Variants in CTNND2 observed in about 807,000 individuals in gnomAD.
CTNND2 encodes the protein catenin delta-2.
A neutral mutation model predicts 144.4 loss-of-function variants in CTNND2; 22 were observed. That is an observed-to-expected ratio of 0.15 (90% CI 0.11 to 0.22). The LOEUF is 0.22. CTNND2 is among the 10% of genes least tolerant of loss of function. The pLI is 1.00. For missense variants in CTNND2, 1,353 were observed against 1,618.8 expected (o/e 0.84, Z 2.82); for synonymous variants, 751 against 695.6 (o/e 1.08, Z -1.25).
chr5:11,841,249 T>C (rs1231999895), intron 1 of CTNND2, among the ~76,000 whole-genome samples: 1 of 152,208 alleles, frequency 6.6e-6, no homozygotes, highest in Non-Finnish European at 1.5e-5. Context: ...CAGCCCCTTG[T>C]TGAATTTCAG....
chr5:11,281,643 A>G (rs1747129390), intron 9 of CTNND2, among the ~76,000 whole-genome samples: 1 of 152,222 alleles, frequency 6.6e-6, no homozygotes, highest in South Asian at 2.1e-4. Flanking sequence ...CACAGTGTCA[A>G]CAGATTGGTT....
chr5:11,736,492 T>G (rs534309192), intron 1 of CTNND2, among the ~76,000 whole-genome samples: 1 of 152,296 alleles, frequency 6.6e-6, no homozygotes, highest in South Asian at 2.1e-4. Context: ...TTAATGTAAC[T>G]ATTGTGTCTG....
At chr5:11,006,862 G>T (rs1740542417) in intron 18 of CTNND2, among the ~76,000 whole-genome samples, 1 of 152,188 alleles carries the variant, frequency 6.6e-6, no homozygotes, top group African/African-American at 2.4e-5. Flanking sequence ...ATCTCTAGGG[G>T]AAGAATGACC....
Position 11,653,231 on chromosome 5 carries a change from C to T in CTNND2, c.174+78905G>A, listed in dbSNP as rs114865448. 2.7e-3 allele frequency among the ~76,000 whole-genome samples: 405 copies of T among 152,140 alleles called. 2 individuals carry two copies. The highest frequency in any genetic ancestry group is 4.0e-3 in the Non-Finnish European group (273 of 67,970). ...GGAATGCAGATATCTCTTTGGCATA[C>T]TGATTTTAATTCCTTTTTTAATAGT... On this transcript the variant is annotated intron_variant, in intron 2 of 21. Coordinates refer to ENST00000304623, the MANE Select transcript of CTNND2 (RefSeq NM_001332.4).
At chr5:11,030,439 C>A (rs1434927132) in intron 16 of CTNND2, among the ~76,000 whole-genome samples, 3 of 148,278 alleles carry the variant, frequency 2.0e-5, no homozygotes, top group African/African-American at 7.5e-5. Flanking sequence ...GATCTTTTTT[C>A]TTTCTGTTCT....
At chr5:11,134,067 C>G (rs1307891442) in intron 12 of CTNND2, among the ~76,000 whole-genome samples, 1 of 152,068 alleles carries the variant, frequency 6.6e-6, no homozygotes, top group East Asian at 1.9e-4. Context: ...TCAGTGTAAT[C>G]ACAGGAACTC....
intron 9 of CTNND2, among the ~76,000 whole-genome samples, chr5:11,340,622 G>C (rs922758974): frequency 1.3e-5 from 2 of 152,196 alleles, no homozygotes; most frequent in Non-Finnish European, 2.9e-5. Context: ...TACAAGAAGT[G>C]AATGTAAAGT....
rs1758582655 is a variant in CTNND2, at chr5:11,159,735, C to T, written c.2000G>A (p.Cys667Tyr). ...VTGVLWNLSS[C>Y]DALKMPIIQD... Reference sequence around the variant, plus strand: ...GATGATTGGCATTTTGAGTGCATCGCATGAGGAGAGGTTCCAAAGGACTCC... The same window carrying T: ...GATGATTGGCATTTTGAGTGCATCGTATGAGGAGAGGTTCCAAAGGACTCC... Residue 667 changes from cysteine to tyrosine, a missense_variant, in exon 12 of 22, where the codon TGC (cysteine) becomes TAC (tyrosine). This residue lies in a region of CTNND2 where 117 missense variants were observed against 117.8 expected (regional missense o/e 0.99). Coordinates refer to ENST00000304623, the MANE Select transcript of CTNND2 (RefSeq NM_001332.4). 1 of 1,601,378 alleles carries T rather than the reference C, an allele frequency of 6.2e-7. No homozygotes were observed. The highest frequency in any genetic ancestry group is 8.5e-7 in the Non-Finnish European group (1 of 1,173,688).
At chr5:11,698,523 G>A (rs1027483610) in intron 2 of CTNND2, among the ~76,000 whole-genome samples, 1 of 151,852 alleles carries the variant, frequency 6.6e-6, no homozygotes, top group Non-Finnish European at 1.5e-5. Flanking sequence ...TCCTGACCTC[G>A]TGATCCCCCT....
At chr5:11,236,029 A>C (rs1741599786) in intron 10 of CTNND2, among the ~76,000 whole-genome samples, 1 of 152,194 alleles carries the variant, frequency 6.6e-6, no homozygotes, top group Admixed American at 6.5e-5. Flanking sequence ...AAAAACTTAG[A>C]TTTGGCTGCA....
At chr5:11,673,469 G>C (rs987257821) in intron 2 of CTNND2, among the ~76,000 whole-genome samples, 4 of 152,236 alleles carry the variant, frequency 2.6e-5, no homozygotes, top group Admixed American at 2.6e-4. Context: ...GTTAAGCAAA[G>C]ACTTATCTGA....
chr5:11,903,751 A>G lies in CTNND2; in HGVS notation c.37+66T>C. On this transcript the variant is annotated intron_variant, in intron 1 of 21. Coordinates refer to ENST00000304623, the MANE Select transcript of CTNND2 (RefSeq NM_001332.4). This position sits in a 1 kb window ranked among gnomAD's most constrained non-coding sequence, Gnocchi z 5.4. ...GCCCAGGACCACCCCCACCAGCGGCAAGAGGAGGAGGACGGCGCCGGGAGG... is the reference window on the plus strand; with the variant it reads ...GCCCAGGACCACCCCCACCAGCGGCGAGAGGAGGAGGACGGCGCCGGGAGG... 7.0e-7 allele frequency: 1 copy of G among 1,436,284 alleles called. No homozygotes were observed. The highest frequency in any genetic ancestry group is 1.3e-5 in the South Asian group (1 of 76,706). 89.0% of individuals were successfully genotyped at this position (1,436,284 alleles called of 1,614,324 possible). A position where few individuals can be genotyped will look rare whatever the true frequency, so the allele number is the denominator to read the frequency against.
chr5:11,078,479 C>T (rs564495822), intron 16 of CTNND2, among the ~76,000 whole-genome samples: 17 of 152,264 alleles, frequency 1.1e-4, no homozygotes, highest in Non-Finnish European at 1.9e-4. Context: ...GTAAAGGTTT[C>T]GTTGAACACA....
At chr5:11,174,957 T>G (rs894040642) in intron 11 of CTNND2, among the ~76,000 whole-genome samples, 1 of 152,224 alleles carries the variant, frequency 6.6e-6, no homozygotes, top group Non-Finnish European at 1.5e-5. Context: ...TTCAAGATAT[T>G]ATTGAATATG....
chr5:11,552,117 G>A (rs11740843), intron 3 of CTNND2, among the ~76,000 whole-genome samples: 19,833 of 152,128 alleles, frequency 0.13, 1,590 homozygotes, highest in East Asian at 0.23. Context: ...GAGCCACATC[G>A]TAGTCATCCC....
At chr5:11,494,184 T>C (rs1769719159) in intron 3 of CTNND2, among the ~76,000 whole-genome samples, 1 of 152,172 alleles carries the variant, frequency 6.6e-6, no homozygotes, top group South Asian at 2.1e-4. Flanking sequence ...AACCTTCTAG[T>C]GAATAATTAT....
intron 3 of CTNND2, among the ~76,000 whole-genome samples, chr5:11,469,077 C>T (rs1447397512): frequency 6.6e-6 from 1 of 152,164 alleles, no homozygotes; most frequent in African/African-American, 2.4e-5. Flanking sequence ...TGGCAAGTTG[C>T]TCTGCTGATC....
chr5:11,886,976 T>A (rs1276129212), intron 1 of CTNND2, among the ~76,000 whole-genome samples: 3 of 66,054 alleles, frequency 4.5e-5, no homozygotes, highest in Admixed American at 1.7e-4. Flanking sequence ...ATCCTACTGC[T>A]TTTTTTTTTT....
chr5:11,135,516 C>T (rs796838277), intron 12 of CTNND2, among the ~76,000 whole-genome samples: 13 of 152,254 alleles, frequency 8.5e-5, no homozygotes, highest in African/African-American at 2.4e-4. Flanking sequence ...AAATGTACAT[C>T]GGTAGATTCA....
Sources: gnomAD v4.1 joint callset for allele counts (sites outside exome capture counted in the v4.1 genomes callset) on GRCh38, gnomAD v4.1.1 for gene constraint, gnomAD v4.1.1 regional missense constraint, Gnocchi (gnomAD v3.1) non-coding constraint, MANE v1.5 for transcripts, NCBI Gene and HGNC (gene_info 2026-07-23, HGNC 2026-07-21) for gene names.